The following SOX30 variants were observed in gnomAD, a reference collection of about 807,000 sequenced individuals.
SOX30 encodes the protein SRY-box transcription factor 30, also known as transcription factor SOX-30.
Under a neutral mutation model 58.6 loss-of-function variants are expected in SOX30, and 17 were observed. The ratio of observed to expected loss-of-function variants is 0.29; its 90% confidence interval spans 0.20 to 0.44. The LOEUF is 0.44. Among genes scored for constraint, SOX30 ranks in the 20% least tolerant of loss-of-function variants. The probability of loss-of-function intolerance (pLI) is 1.00; values close to 1 mark genes in which losing one functional copy is unlikely to be tolerated. For missense variants in SOX30, 951 were observed against 965.8 expected (o/e 0.98, Z 0.20); for synonymous variants, 421 against 400.2 (o/e 1.05, Z -0.62).
chr5:157,654,448 A>G (rs2113853388), upstream of SOX30, among the ~76,000 whole-genome samples: 1 of 152,304 alleles, frequency 6.6e-6, no homozygotes, highest in South Asian at 2.1e-4. Context: ...GTCAGTCCCC[A>G]TACCACACTT....
At chr5:157,643,849 A>G (rs1472517463) in intron 3 of SOX30, among the ~76,000 whole-genome samples, 2 of 152,186 alleles carry the variant, frequency 1.3e-5, no homozygotes, top group Admixed American at 1.3e-4. Flanking sequence ...AGATATTAAA[A>G]TTATGATTCC....
intron 3 of SOX30, among the ~76,000 whole-genome samples, chr5:157,646,171 G>A (rs1450094477): frequency 1.3e-5 from 2 of 152,152 alleles, no homozygotes; most frequent in Non-Finnish European, 2.9e-5. Context: ...TTAATATAAT[G>A]AACCAAACAA....
At position 157,626,409 on chromosome 5, in the gene SOX30, A is replaced by G. The variant is rs376391312; in HGVS notation, c.2193T>C (p.Ser731=). 1.6e-5 allele frequency: 26 copies of G among 1,614,004 alleles called. No homozygotes were observed. Among genetic ancestry groups the G allele is most frequent in the Non-Finnish European group, 2.0e-5 (24 of 1,180,014 alleles). ...NVFTAPTSTP[S]SIQQVNVTDS... ...CGGTGACATTGACTTGCTGGATGCT[A>G]GAAGGAGTTGATGTCGGGGCTGTGA... The change falls in exon 5 of 5, where the codon TCT becomes TCC. Residue 731 remains serine, a synonymous_variant. Transcript: ENST00000265007.
chr5:157,659,456 AATT>A (rs1759538381), intron 2 of SOX30, among the ~76,000 whole-genome samples: 1 of 152,202 alleles, frequency 6.6e-6, no homozygotes, highest in Non-Finnish European at 1.5e-5. Context: ...AGTTAGTGTT[AATT>A]TTGTGCAAGG....
intron 2 of SOX30, among the ~76,000 whole-genome samples, chr5:157,658,321 T>C (rs1184637374): frequency 6.6e-6 from 1 of 152,188 alleles, no homozygotes; most frequent in Non-Finnish European, 1.5e-5. Context: ...GAGAGAGAAA[T>C]TATGTTTCAG....
At chr5:157,661,751 G>A (rs1759581086) in intron 2 of SOX30, among the ~76,000 whole-genome samples, 1 of 152,138 alleles carries the variant, frequency 6.6e-6, no homozygotes, top group Admixed American at 6.5e-5. Flanking sequence ...AATCCTTTTT[G>A]TACATTACTG....
chr5:157,647,058 CA>C (rs1318903159), intron 2 of SOX30, among the ~76,000 whole-genome samples: 1 of 133,866 alleles, frequency 7.5e-6, no homozygotes, highest in Non-Finnish European at 1.5e-5. Flanking sequence ...AGAAGAGGGT[CA>C]AATTTTTTTT....
intron 4 of SOX30, among the ~76,000 whole-genome samples, chr5:157,634,277 G>A (rs1456318484): frequency 1.3e-5 from 2 of 152,198 alleles, no homozygotes; most frequent in African/African-American, 2.4e-5. Context: ...GCAGTGGCAT[G>A]ATCTTGGCTC....
intron 4 of SOX30, among the ~76,000 whole-genome samples, chr5:157,635,103 C>G (rs1004235424): frequency 6.6e-6 from 1 of 152,138 alleles, no homozygotes; most frequent in African/African-American, 2.4e-5. Context: ...CAGACACATA[C>G]AGGTAGAGTC....
chr5:157,630,270 GT>G (rs1222136910), intron 4 of SOX30, among the ~76,000 whole-genome samples: 1 of 152,088 alleles, frequency 6.6e-6, no homozygotes, highest in Non-Finnish European at 1.5e-5. Flanking sequence ...GATTTAAACT[GT>G]CTATTAAGTC....
Position 157,626,389 on chromosome 5 carries a change from ACATTGACTTGCTG to A in SOX30, c.2200_2212del (p.Gln734SerfsTer26), listed in dbSNP as rs767448542. The A allele has an allele frequency of 8.9e-5, 144 of 1,613,904 alleles. No individual in the cohort carries two copies. The highest frequency in any genetic ancestry group is 1.1e-4 in the Non-Finnish European group (135 of 1,179,988). On this transcript the variant is annotated frameshift_variant, in exon 5 of 5. Transcript: ENST00000265007. LOFTEE classifies it high-confidence loss of function. ...TTCTTCCTCCTCATCACTGTCGGTG[ACATTGACTTGCTG>A]GATGCTAGAAGGAGTTGATGTCGGG... is the stretch of plus-strand genomic sequence containing the variant.
At chr5:157,637,950 T>C (rs1758969328) in intron 4 of SOX30, among the ~76,000 whole-genome samples, 1 of 152,058 alleles carries the variant, frequency 6.6e-6, no homozygotes, top group East Asian at 1.9e-4. Flanking sequence ...CACCTTGGCC[T>C]CCCAAAGTGC....
At position 157,651,683 on chromosome 5, in the gene SOX30, C is replaced by A. The variant is rs747207842; in HGVS notation, c.396G>T (p.Ala132=). ...TCTGCTTCTTGGCCTTGACATGCAG[C>A]GCCAGGGGCTGCACCGGGTGCAACT... The part of the protein sequence containing the change: ...RPELHPVQPL[A]LHVKAKKQKL... Residue 132 remains alanine (A), a synonymous_variant, in exon 1 of 5, where the codon GCG becomes GCT. Transcript: ENST00000265007. 2.5e-6 allele frequency: 4 copies of A among 1,604,730 alleles called. No individual in the cohort carries two copies. The Admixed American group carries it at 5.1e-5, about 20-fold the overall frequency.
In SOX30 at chr5:157,646,810, A is replaced by G. The variant is rs2113846151; in HGVS notation, c.1214T>C (p.Val405Ala). ...EKHREEFPGW[V>A]YQPRPGKRKR... ...TCGCTTCCCTGGACGAGGCTGATAA[A>G]CCCAACCTATAGAAGACAAAATATG... The change falls in exon 3 of 5, where the codon GTT becomes GCT. Residue 405 changes from valine to alanine, a missense_variant. Physicochemically the swap from Val to Ala is moderately conservative, Grantham distance 64. This residue lies in a region of SOX30 where 57 missense variants were observed against 104.0 expected (regional missense o/e 0.55). Transcript: ENST00000265007. The G allele has an allele frequency of 6.2e-7, 1 of 1,613,078 alleles. No homozygotes were observed. The highest frequency in any genetic ancestry group is 1.1e-5 in the South Asian group (1 of 90,950).
Position 157,652,118 on chromosome 5 carries a change from C to G in SOX30, c.-40G>C. The G allele has an allele frequency of 5.1e-6, 7 of 1,383,292 alleles. No individual in the cohort carries two copies. Among genetic ancestry groups the G allele is most frequent in the Non-Finnish European group, 2.8e-6 (3 of 1,076,660 alleles). The allele number at this position is 1,383,292 out of a possible 1,614,324, so 85.7% of individuals were successfully genotyped here. A position where few individuals can be genotyped will look rare whatever the true frequency, so the allele number is the denominator to read the frequency against. On this transcript the variant is annotated 5_prime_UTR_variant, in exon 1 of 5. Coordinates refer to ENST00000265007, the MANE Select transcript of SOX30 (RefSeq NM_178424.2). The stretch of plus-strand genomic sequence containing the variant: ...CCCCGGCCAGGATTGTGAGCTCAGC[C>G]GTTTGTTGGCGACCTTCCCCCTCCC...
rs201833057 is a variant in SOX30, at chr5:157,651,548, G to A, written c.531C>T (p.Tyr177=). The change falls in exon 1 of 5, where the codon TAC becomes TAT. Residue 177 remains tyrosine (Y), a synonymous_variant. Coordinates refer to ENST00000265007, the MANE Select transcript of SOX30 (RefSeq NM_178424.2). The part of the protein sequence containing the change: ...KLEGPGPALG[Y]FRGDEKGKLE... The stretch of plus-strand genomic sequence containing the variant: ...GCTTGCCCTTCTCGTCCCCTCGGAA[G>A]TAGCCGAGGGCCGGCCCGGGGCCTT... The A allele has an allele frequency of 1.9e-6, 3 of 1,613,218 alleles. No homozygotes were observed. Among genetic ancestry groups the A allele is most frequent in the Non-Finnish European group, 2.5e-6 (3 of 1,179,996 alleles).
chr5:157,651,025 G>T, intron 1 of SOX30, 87 bp downstream of exon 1: 2 of 992,884 alleles, frequency 2.0e-6, no homozygotes, highest in Non-Finnish European at 3.0e-6. Context: ...CTTTACTTTT[G>T]TAGTTTAGAC....
At position 157,652,363 on chromosome 5, in the gene SOX30, C is replaced by G. The variant is rs1449925015; in HGVS notation, c.-285G>C. On this transcript the variant is annotated 5_prime_UTR_variant, in exon 1 of 5. Transcript: ENST00000265007. ...AGCCGCCGCACTTGTTGCACATTTT[C>G]GTTCTGACTCTCTTGTGGAGTTCTC... is the stretch of plus-strand genomic sequence containing the variant. 1 of 1,161,226 alleles carries G rather than the reference C, an allele frequency of 8.6e-7. No individual in the cohort carries two copies. Among genetic ancestry groups the G allele is most frequent in the East Asian group, 4.1e-5 (1 of 24,670 alleles). 71.9% of individuals were successfully genotyped at this position (1,161,226 alleles called of 1,614,324 possible).
rs760967071 is a variant in SOX30, at chr5:157,651,313, G to A, written c.766C>T (p.Gln256Ter). Residue 256 changes from glutamine (Q) to a stop codon, truncating the protein, a stop_gained, in exon 1 of 5, where the codon CAA becomes TAA. Coordinates refer to ENST00000265007, the MANE Select transcript of SOX30 (RefSeq NM_178424.2). LOFTEE classifies it high-confidence loss of function. Reference protein sequence around the residue: ...PTSGAFGPHQQDLRIPLTLHT... With the variant: ...PTSGAFGPHQ ...AGCGTCAAAGGGATCCTAAGGTCTT[G>A]CTGGTGCGGCCCAAAGGCACCGGAC... 1 of 1,614,126 alleles carries A rather than the reference G, an allele frequency of 6.2e-7. No homozygotes were observed. Among genetic ancestry groups the A allele is most frequent in the Non-Finnish European group, 8.5e-7 (1 of 1,180,046 alleles).
Sources: gnomAD v4.1 joint callset for allele counts (sites outside exome capture counted in the v4.1 genomes callset) on GRCh38, gnomAD v4.1.1 for gene constraint, gnomAD v4.1.1 regional missense constraint, MANE v1.5 for transcripts, NCBI Gene and HGNC (gene_info 2026-07-23, HGNC 2026-07-21) for gene names.